CCDC62: variants seen among roughly 807,000 people sequenced by gnomAD.
CCDC62 encodes the protein coiled-coil domain containing 62, also known as coiled-coil domain-containing protein 62.
In CCDC62, 72 loss-of-function variants were observed where a neutral mutation model predicts 80.8. The ratio of observed to expected loss-of-function variants is 0.89; its 90% confidence interval spans 0.74 to 1.08. The LOEUF (loss-of-function observed/expected upper bound fraction) is 1.08. Among genes scored for constraint, CCDC62 ranks in the 50% least tolerant of loss-of-function variants. The probability of loss-of-function intolerance (pLI) is 0.00; values close to 1 mark genes in which losing one functional copy is unlikely to be tolerated. For synonymous variants in CCDC62, 286 were observed against 296.5 expected, an observed-to-expected ratio of 0.96 and a Z score of 0.36; for missense variants, 704 against 809.4, an observed-to-expected ratio of 0.87 and a Z score of 1.58.
At position 122,802,783 on chromosome 12, in the gene CCDC62, T is replaced by G. The variant is rs1026507539; in HGVS notation, c.1706+931T>G. On this transcript the variant is annotated intron_variant, in intron 9 of 12. Coordinates refer to ENST00000253079, the MANE Select transcript of CCDC62 (RefSeq NM_201435.5). ...TGGTGTACACCTGTAGTCCCAGTAC[T>G]TGGGAGGCTGAGGCAGGAGGACCAC... Among the ~76,000 whole-genome samples the G allele has an allele frequency of 3.9e-5, 6 of 152,138 alleles. No individual in the cohort carries two copies. In the South Asian group the frequency reaches 8.3e-4, roughly 21 times the overall value.
At chr12:122,819,184 C>T (rs1483251347) in intron 11 of CCDC62, among the ~76,000 whole-genome samples, 1 of 152,162 alleles carries the variant, frequency 6.6e-6, no homozygotes, top group African/African-American at 2.4e-5. Context: ...TTTACAAACT[C>T]CTCCCCCCAT....
chr12:122,787,049 C>T (rs1321312965), intron 4 of CCDC62, among the ~76,000 whole-genome samples: 1 of 152,296 alleles, frequency 6.6e-6, no homozygotes, highest in African/African-American at 2.4e-5. Flanking sequence ...CTTCAACAAC[C>T]TCTCTGGTTT....
chr12:122,806,334 C>G, intron 10 of CCDC62, 39 bp downstream of exon 10: 3 of 1,549,868 alleles, frequency 1.9e-6, no homozygotes, highest in Non-Finnish European at 2.6e-6. Context: ...TTACTCAAGC[C>G]AGGCCTCTCA....
intron 4 of CCDC62, among the ~76,000 whole-genome samples, chr12:122,786,497 G>A (rs2030243201): frequency 1.3e-5 from 2 of 152,158 alleles, no homozygotes; most frequent in Admixed American, 6.6e-5. Context: ...AGCAGTTGAT[G>A]TAGTCACTAA....
chr12:122,787,069 C>T (rs975316186), intron 4 of CCDC62, among the ~76,000 whole-genome samples: 1 of 152,158 alleles, frequency 6.6e-6, no homozygotes, highest in Non-Finnish European at 1.5e-5. Flanking sequence ...TCCATCATAG[C>T]AAACTCTGGC....
At chr12:122,810,857 C>T (rs1318639503) in intron 10 of CCDC62, among the ~76,000 whole-genome samples, 1 of 152,080 alleles carries the variant, frequency 6.6e-6, no homozygotes. Flanking sequence ...ATGATGAGTT[C>T]GTGTCCTTTG....
In CCDC62 at chr12:122,801,168, T is replaced by C; in HGVS notation, c.1022T>C (p.Val341Ala). 6.2e-7 allele frequency: 1 copy of C among 1,613,114 alleles called. No individual in the cohort carries two copies. Among genetic ancestry groups the C allele is most frequent in the East Asian group, 2.2e-5 (1 of 44,866 alleles). ...GACCTTGAAAATAACCACCCAAAAGTCGATATTAAGAGGGAAAAAAATCAG... is the reference window on the plus strand; with the variant it reads ...GACCTTGAAAATAACCACCCAAAAGCCGATATTAAGAGGGAAAAAAATCAG... ...LSDLENNHPK[V>A]DIKREKNQKS... Residue 341 changes from valine (V) to alanine (A), a missense_variant, in exon 9 of 13, where the codon GTC becomes GCC. Transcript: ENST00000253079.
chr12:122,803,019 G>A (rs1269139818), intron 9 of CCDC62, among the ~76,000 whole-genome samples: 1 of 152,126 alleles, frequency 6.6e-6, no homozygotes. Flanking sequence ...AACAAAGTGA[G>A]ACTCTATTTC....
chr12:122,809,636 A>G (rs1164520744), intron 10 of CCDC62, among the ~76,000 whole-genome samples: 1 of 152,260 alleles, frequency 6.6e-6, no homozygotes, highest in Non-Finnish European at 1.5e-5. Flanking sequence ...GCGAGGTGCC[A>G]ATGACTTTCT....
At chr12:122,779,493 T>TG (rs1879689986) in intron 2 of CCDC62, among the ~76,000 whole-genome samples, 1 of 149,744 alleles carries the variant, frequency 6.7e-6, no homozygotes, top group African/African-American at 2.6e-5. Flanking sequence ...ACAATAGGTC[T>TG]GGGGCCCAAG....
rs751844676 is a variant in CCDC62 at position 122,785,749 on chromosome 12, G to A, written c.427G>A (p.Val143Met). The A allele has an allele frequency of 2.5e-6, 4 of 1,613,904 alleles. No individual in the cohort carries two copies. In the South Asian group the frequency reaches 4.4e-5, roughly 18 times the overall value. ...AAACGAAACTCTCAGCAACACGTTA[G>A]TGGAACTTTCTGCCCAGGTAGGACA... is the stretch of plus-strand genomic sequence containing the variant. ...ARNETLSNTL[V>M]ELSAQVGQLQ... Residue 143 changes from valine (V) to methionine (M), a missense_variant, in exon 4 of 13, where the codon GTG (valine) becomes ATG (methionine). Coordinates refer to ENST00000253079, the MANE Select transcript of CCDC62 (RefSeq NM_201435.5).
At chr12:122,801,890 T>C in intron 9 of CCDC62, 38 bp downstream of exon 9, 1 of 1,582,146 alleles carries the variant, frequency 6.3e-7, no homozygotes, top group Non-Finnish European at 8.6e-7. Flanking sequence ...CCACGGAGCA[T>C]GCATGCCAGT....
intron 10 of CCDC62, 101 bp downstream of exon 10, chr12:122,806,396 A>G: frequency 1.4e-6 from 1 of 711,506 alleles, no homozygotes; most frequent in Non-Finnish European, 2.0e-6. Flanking sequence ...TATTTTGGCT[A>G]TTCCTCCGTT....
chr12:122,775,525 A>C (rs984660192), intron 1 of CCDC62, among the ~76,000 whole-genome samples: 1 of 152,200 alleles, frequency 6.6e-6, no homozygotes, highest in South Asian at 2.1e-4. Flanking sequence ...CTAACCCAAC[A>C]CTGGAATTCA....
At position 122,781,299 on chromosome 12, in the gene CCDC62, C is replaced by G; in HGVS notation, c.365C>G (p.Thr122Arg). ...LQLQEMAQKA[T>R]HSSLLSEDLE... Reference sequence around the variant, plus strand: ...CTTCAGGAAATGGCTCAAAAGGCAACGCATTCTTCTCTTCTCTCTGAAGAC... The same window carrying G: ...CTTCAGGAAATGGCTCAAAAGGCAAGGCATTCTTCTCTTCTCTCTGAAGAC... The change falls in exon 3 of 13, where the codon ACG (threonine) becomes AGG (arginine). Residue 122 changes from threonine (T) to arginine (R), a missense_variant. Thr to Arg is a moderately conservative substitution (Grantham distance 71). Transcript: ENST00000253079. 2 of 1,614,046 alleles carry G rather than the reference C, an allele frequency of 1.2e-6. No homozygotes were observed. The highest frequency in any genetic ancestry group is 1.7e-6 in the Non-Finnish European group (2 of 1,180,002).
chr12:122,823,849 G>A (rs189029869), intron 12 of CCDC62, among the ~76,000 whole-genome samples: 25 of 152,038 alleles, frequency 1.6e-4, no homozygotes, highest in African/African-American at 3.9e-4. Flanking sequence ...AGCCAGGCGC[G>A]GTAGTGGGCG....
chr12:122,813,414 A>G lies in CCDC62; in HGVS notation c.1996A>G (p.Thr666Ala), dbSNP rs1273671675. 2 of 1,611,450 alleles carry G rather than the reference A, an allele frequency of 1.2e-6. No homozygotes were observed. The highest frequency in any genetic ancestry group is 1.7e-6 in the Non-Finnish European group (2 of 1,179,290). The change falls in exon 11 of 13, where the codon ACA becomes GCA. Residue 666 changes from threonine (T) to alanine (A), a missense_variant. Thr to Ala is a moderately conservative substitution (Grantham distance 58). Coordinates refer to ENST00000253079, the MANE Select transcript of CCDC62 (RefSeq NM_201435.5). ...CCATGAGAATCTCACTGGCAGTGCC[A>G]CAAATGTATGCGTTTCATTTTCTCT... is the stretch of plus-strand genomic sequence containing the variant. ...ISHENLTGSA[T>A]NKSEVPEESA...
chr12:122,774,594 T>G lies in CCDC62; in HGVS notation c.-77T>G. The G allele has an allele frequency of 8.8e-7, 1 of 1,136,834 alleles. No individual in the cohort carries two copies. Among genetic ancestry groups the G allele is most frequent in the Non-Finnish European group, 1.1e-6 (1 of 893,814 alleles). 70.4% of individuals were successfully genotyped at this position (1,136,834 alleles called of 1,614,324 possible). A position where few individuals can be genotyped will look rare whatever the true frequency, so the allele number is the denominator to read the frequency against. ...GGGGCTCCGGGCTCGCCCCCGCCGCTCGGGGCAGGCGCGCCGATGGCGTTT... is the reference window on the plus strand; with the variant it reads ...GGGGCTCCGGGCTCGCCCCCGCCGCGCGGGGCAGGCGCGCCGATGGCGTTT... On this transcript the variant is annotated 5_prime_UTR_variant, in exon 1 of 13. Transcript: ENST00000253079.
chr12:122,808,641 T>C (rs1398512876), intron 10 of CCDC62, among the ~76,000 whole-genome samples: 4 of 152,042 alleles, frequency 2.6e-5, no homozygotes, highest in Non-Finnish European at 5.9e-5. Flanking sequence ...ATCCTCCCAC[T>C]GCAGCCTCCC....
Sources: allele counts gnomAD v4.1 joint callset (sites outside exome capture counted in the v4.1 genomes callset), GRCh38; gene constraint gnomAD v4.1.1; transcripts MANE v1.5; gene names NCBI Gene and HGNC (gene_info 2026-07-23, HGNC 2026-07-21).